The following PIK3C2G variants were observed in gnomAD, a reference collection of about 807,000 sequenced individuals.
PIK3C2G encodes the protein phosphatidylinositol-4-phosphate 3-kinase catalytic subunit type 2 gamma, also known as phosphatidylinositol 3-kinase C2 domain-containing subunit gamma.
A neutral mutation model predicts 181.1 loss-of-function variants in PIK3C2G; 168 were observed. The observed-to-expected ratio is 0.93, with a 90% CI of 0.82 to 1.05. The LOEUF (loss-of-function observed/expected upper bound fraction) is 1.05. PIK3C2G is among the 50% of genes least tolerant of loss of function. The probability of loss-of-function intolerance (pLI) is 0.00; values close to 1 mark genes in which losing one functional copy is unlikely to be tolerated. For synonymous variants in PIK3C2G, 573 were observed against 592.2 expected (o/e 0.97, Z 0.47); for missense variants, 1,869 against 1,732.8 (o/e 1.08, Z -1.40).
chr12:18,555,690 G>C (rs1052236091), intron 26 of PIK3C2G, among the ~76,000 whole-genome samples: 1 of 151,948 alleles, frequency 6.6e-6, no homozygotes, highest in African/African-American at 2.4e-5. Context: ...TTACCTAAGG[G>C]TTATTTCTAT....
chr12:18,332,622 T>C (rs1284020405), intron 8 of PIK3C2G, among the ~76,000 whole-genome samples: 1 of 152,142 alleles, frequency 6.6e-6, no homozygotes. Flanking sequence ...CTTTTGCTTC[T>C]ACCCTTCCTT....
chr12:18,348,934 A>C (rs1382077891), intron 11 of PIK3C2G, among the ~76,000 whole-genome samples: 1 of 152,068 alleles, frequency 6.6e-6, no homozygotes, highest in Non-Finnish European at 1.5e-5. Context: ...TGAAGAATCC[A>C]CTTCTAAGGT....
At chr12:18,378,492 G>A (rs1032674983) in intron 13 of PIK3C2G, among the ~76,000 whole-genome samples, 17 of 152,100 alleles carry the variant, frequency 1.1e-4, no homozygotes, top group Non-Finnish European at 1.9e-4. Context: ...AAAAGCAATG[G>A]CAACAAAAGC....
At chr12:18,308,186 C>T (rs899875321) in intron 5 of PIK3C2G, among the ~76,000 whole-genome samples, 8 of 151,918 alleles carry the variant, frequency 5.3e-5, no homozygotes, top group African/African-American at 1.4e-4. Flanking sequence ...GAGTAGTTCA[C>T]AGCTCTTAGA....
chr12:18,406,823 T>G (rs774046748), intron 16 of PIK3C2G, among the ~76,000 whole-genome samples: 2 of 152,144 alleles, frequency 1.3e-5, no homozygotes, highest in Non-Finnish European at 2.9e-5. Context: ...GAGAAAAATG[T>G]GGAAATTTCA....
At chr12:18,466,809 C>A (rs1189094838) in intron 18 of PIK3C2G, among the ~76,000 whole-genome samples, 1 of 151,984 alleles carries the variant, frequency 6.6e-6, no homozygotes, top group East Asian at 1.9e-4. Flanking sequence ...AGATAATCAC[C>A]ATTACCCTTC....
chr12:18,677,039 TGA>T, the PIK3C2G span, among the ~76,000 whole-genome samples: 1 of 152,088 alleles, frequency 6.6e-6, no homozygotes, highest in Non-Finnish European at 1.5e-5. Flanking sequence ...TAAAGATGAA[TGA>T]GAGTGATTCT....
chr12:18,303,944 TAAAAA>T (rs751041491), intron 5 of PIK3C2G, among the ~76,000 whole-genome samples: 4 of 148,150 alleles, frequency 2.7e-5, no homozygotes, highest in Non-Finnish European at 6.0e-5. Context: ...AACATATTCT[TAAAAA>T]AAAAAGAAAT....
the PIK3C2G span, chr12:18,712,926 T>A: frequency 6.2e-7 from 1 of 1,613,818 alleles, no homozygotes; most frequent in Admixed American, 1.7e-5. Flanking sequence ...ATACAACAGG[T>A]TCATTTTGTG....
the PIK3C2G span, chr12:18,699,777 G>T: frequency 1.2e-6 from 2 of 1,606,818 alleles, no homozygotes; most frequent in South Asian, 2.2e-5. Flanking sequence ...TCATCTATTT[G>T]AGTCACAAAA....
At chr12:18,399,885 GAA>G in intron 16 of PIK3C2G, 38 bp downstream of exon 16, 1 of 1,363,826 alleles carries the variant, frequency 7.3e-7, no homozygotes, top group Non-Finnish European at 1.0e-6. Flanking sequence ...TACTGACTGA[GAA>G]GAACTTGCTT....
At chr12:18,512,330 T>C (rs1942263366) in intron 24 of PIK3C2G, among the ~76,000 whole-genome samples, 1 of 151,892 alleles carries the variant, frequency 6.6e-6, no homozygotes, top group Non-Finnish European at 1.5e-5. Flanking sequence ...GGATTGTTTG[T>C]CCATTTGTGT....
At chr12:18,330,235 A>G (rs1937786753) in intron 8 of PIK3C2G, among the ~76,000 whole-genome samples, 1 of 152,142 alleles carries the variant, frequency 6.6e-6, no homozygotes, top group South Asian at 2.1e-4. Flanking sequence ...CAAAATGTAT[A>G]TAATTAGGTA....
intron 26 of PIK3C2G, among the ~76,000 whole-genome samples, chr12:18,558,766 C>A (rs998641046): frequency 2.0e-5 from 3 of 152,162 alleles, no homozygotes; most frequent in African/African-American, 7.2e-5. Flanking sequence ...CAGTGGGCAT[C>A]CTATTTAAAA....
At chr12:18,430,279 A>C (rs373633386) in intron 18 of PIK3C2G, among the ~76,000 whole-genome samples, 14 of 152,190 alleles carry the variant, frequency 9.2e-5, no homozygotes, top group African/African-American at 3.1e-4. Flanking sequence ...ACCAAGTCTG[A>C]TTGAACAAAC....
chr12:18,536,689 AGAATTAGAACCT>A (rs150970687), intron 24 of PIK3C2G, among the ~76,000 whole-genome samples: 3,081 of 152,226 alleles, frequency 0.02, 47 homozygotes, highest in African/African-American at 0.04. Context: ...TAGCAGGTCC[AGAATTAGAACCT>A]ATGCTATATC....
chr12:18,379,843 C>A (rs1278412401), intron 13 of PIK3C2G, among the ~76,000 whole-genome samples: 1 of 152,142 alleles, frequency 6.6e-6, no homozygotes, highest in African/African-American at 2.4e-5. Flanking sequence ...CTATCACATG[C>A]CCTTGTTACA....
chr12:18,476,630 C>A (rs1296663972), intron 18 of PIK3C2G, among the ~76,000 whole-genome samples: 2 of 151,928 alleles, frequency 1.3e-5, no homozygotes, highest in Non-Finnish European at 2.9e-5. Flanking sequence ...TGAAGGTAAA[C>A]CTAATAGGAC....
chr12:18,650,323 C>CTATATATATA (rs1213171244), downstream of PIK3C2G, among the ~76,000 whole-genome samples: 1 of 77,976 alleles, frequency 1.3e-5, no homozygotes, highest in Admixed American at 1.2e-4. Context: ...CTCTCTCTCT[C>CTATATATATA]TCTCTCTCTA....
Sources: gnomAD v4.1 joint callset for allele counts (sites outside exome capture counted in the v4.1 genomes callset) on GRCh38, gnomAD v4.1.1 for gene constraint, MANE v1.5 for transcripts, NCBI Gene and HGNC (gene_info 2026-07-23, HGNC 2026-07-21) for gene names.